Variants in SORCS2 observed in about 807,000 individuals in gnomAD.
SORCS2 encodes sortilin related VPS10 domain containing receptor 2, also known as VPS10 domain-containing receptor SorCS2.
In SORCS2, 100 loss-of-function variants were observed where a neutral mutation model predicts 141.6. The observed-to-expected ratio is 0.71, with a 90% CI of 0.60 to 0.83. The LOEUF (loss-of-function observed/expected upper bound fraction) is 0.83, where lower values mean the gene tolerates loss of function less well. Ranked by LOEUF, SORCS2 falls within the 40% of genes least tolerant of loss-of-function variation. The pLI, the probability that SORCS2 is intolerant of heterozygous loss-of-function variation, is 0.00. For synonymous variants in SORCS2, 789 were observed against 676.9 expected (o/e 1.17, Z -2.57); for missense variants, 1,646 against 1,560.2 (o/e 1.05, Z -0.93).
At chr4:7,677,657 G>A (rs188264346) in intron 9 of SORCS2, among the ~76,000 whole-genome samples, 62 of 151,946 alleles carry the variant, frequency 4.1e-4, no homozygotes, top group African/African-American at 1.5e-3. Flanking sequence ...TGAGTGGGAG[G>A]CAGCAGGCTC....
At chr4:7,550,199 A>T (rs1297789361) in intron 3 of SORCS2, among the ~76,000 whole-genome samples, 1 of 150,810 alleles carries the variant, frequency 6.6e-6, no homozygotes, top group Non-Finnish European at 1.5e-5. Flanking sequence ...TTGATGGTCA[A>T]CTGCAGTTGC....
intron 17 of SORCS2, 125 bp from the exon 18 acceptor site, chr4:7,717,887 T>C: frequency 1.0e-6 from 1 of 988,562 alleles, no homozygotes. Flanking sequence ...AGTTAGCAAG[T>C]AGAGTCCTAG....
chr4:7,392,950 C>G (rs1723962022), intron 1 of SORCS2, among the ~76,000 whole-genome samples: 1 of 151,254 alleles, frequency 6.6e-6, no homozygotes. Context: ...TTGTCACAGG[C>G]TGAGCTGGCA....
Position 7,199,897 on chromosome 4 carries a change from G to C in SORCS2, c.480+6771G>C, listed in dbSNP as rs142934005. Among the ~76,000 whole-genome samples the C allele has an allele frequency of 2.6e-3, 395 of 152,160 alleles. 8 individuals are homozygous for C. The highest frequency in any genetic ancestry group is 0.013 in the South Asian group (63 of 4,788). ...CAGTTCACCTGACCTAAGGTGCCCT[G>C]CCTTGCTGGGTCCTTGCCTGAGGGA... On this transcript the variant is annotated intron_variant, in intron 1 of 26. Transcript: ENST00000507866.
In SORCS2 at chr4:7,689,116, T is replaced by C. The variant is rs570872166; in HGVS notation, c.1489-370T>C. Among the ~76,000 whole-genome samples, 30 of 152,210 alleles carry C rather than the reference T, an allele frequency of 2.0e-4. No homozygotes were observed. The South Asian group carries it at 5.0e-3, about 25-fold the overall frequency. The stretch of plus-strand genomic sequence containing the variant: ...ACCCGGCACTTGGGCTCTTGACCGA[T>C]GCCCAAGAGCCCTCAGTGGGAGAAG... On this transcript the variant is annotated intron_variant, in intron 10 of 26. Coordinates refer to ENST00000507866, the MANE Select transcript of SORCS2 (RefSeq NM_020777.3).
intron 8 of SORCS2, among the ~76,000 whole-genome samples, chr4:7,669,494 G>C (rs1377029589): frequency 1.3e-5 from 2 of 152,134 alleles, no homozygotes; most frequent in Admixed American, 6.5e-5. Context: ...TCTCCACCCA[G>C]GTCAGGACAG....
chr4:7,645,843 G>C (rs546575926), intron 4 of SORCS2, among the ~76,000 whole-genome samples: 1 of 152,324 alleles, frequency 6.6e-6, no homozygotes, highest in Non-Finnish European at 1.5e-5. Context: ...ACAGCCCATG[G>C]CTTGCTGACA....
In SORCS2 at chr4:7,192,921, G is replaced by A; in HGVS notation, c.275G>A (p.Gly92Asp). ...CGGCAGGCGCGCGGCACGGAGCCAG[G>A]CGCCCCGGGTCCGAGTCCCGGTCCC... ...EDRQARGTEP[G>D]APGPSPGPAP... The change falls in exon 1 of 27, where the codon GGC becomes GAC. Residue 92 changes from glycine (G) to aspartate (D), a missense_variant. By Grantham distance (94) the Gly-to-Asp change is moderately conservative. Coordinates refer to ENST00000507866, the MANE Select transcript of SORCS2 (RefSeq NM_020777.3). The surrounding 1 kb of genome is among the most constrained non-coding windows in gnomAD (Gnocchi z 4.0). 8.2e-7 allele frequency: 1 copy of A among 1,223,438 alleles called. No homozygotes were observed. The highest frequency in any genetic ancestry group is 1.0e-6 in the Non-Finnish European group (1 of 984,018). The allele number at this position is 1,223,438 out of a possible 1,614,324, so 75.8% of individuals were successfully genotyped here. A position where few individuals can be genotyped will look rare whatever the true frequency, so the allele number is the denominator to read the frequency against.
rs1726927143 is a variant in SORCS2, at chr4:7,192,861, C to T, written c.215C>T (p.Pro72Leu). The change falls in exon 1 of 27, where the codon CCC (proline) becomes CTC (leucine). Residue 72 changes from proline to leucine, a missense_variant. Physicochemically the swap from Pro to Leu is moderately conservative, Grantham distance 98 (BLOSUM62 -3). Coordinates refer to ENST00000507866, the MANE Select transcript of SORCS2 (RefSeq NM_020777.3). The surrounding 1 kb of genome is among the most constrained non-coding windows in gnomAD (Gnocchi z 4.0). ...CTGACCCGGGTGCCGCGGAGCCCTC[C>T]CGCGGGGCGCGCGGAGCCCGGTGGC... is the stretch of plus-strand genomic sequence containing the variant. ...AQLTRVPRSP[P>L]AGRAEPGGGE... The T allele has an allele frequency of 3.8e-6, 4 of 1,062,894 alleles. 1 individual carries two copies. The highest frequency in any genetic ancestry group is 4.5e-6 in the Non-Finnish European group (4 of 882,160). The allele number at this position is 1,062,894 out of a possible 1,614,324, so 65.8% of individuals were successfully genotyped here.
At position 7,201,443 on chromosome 4, in the gene SORCS2, C is replaced by T. The variant is rs188770148; in HGVS notation, c.480+8317C>T. On this transcript the variant is annotated intron_variant, in intron 1 of 26. Transcript: ENST00000507866. This position sits in a 1 kb window ranked among gnomAD's most constrained non-coding sequence, Gnocchi z 4.4. Reference sequence around the variant, plus strand: ...GAGGTCATAAATTAGCCTCATTCCTCGGCACGCCCCTCAGATGAGAAGGCA... The same window carrying T: ...GAGGTCATAAATTAGCCTCATTCCTTGGCACGCCCCTCAGATGAGAAGGCA... 5.2e-4 allele frequency among the ~76,000 whole-genome samples: 79 copies of T among 152,346 alleles called. No individual in the cohort carries two copies. The Middle Eastern group carries it at 0.01, about 20-fold the overall frequency.
At chr4:7,272,499 G>T (rs540781704) in intron 1 of SORCS2, among the ~76,000 whole-genome samples, 1 of 152,234 alleles carries the variant, frequency 6.6e-6, no homozygotes, top group Non-Finnish European at 1.5e-5. Flanking sequence ...GTTTCTTTTT[G>T]TAAATGCATC....
In SORCS2 at chr4:7,553,585, T is replaced by C. The variant is rs552621042; in HGVS notation, c.648+21956T>C. Among the ~76,000 whole-genome samples the C allele has an allele frequency of 3.9e-5, 6 of 152,300 alleles. No individual in the cohort carries two copies. In the East Asian group the frequency reaches 1.2e-3, roughly 29 times the overall value. ...TTCAAATGAGACTGCCTGGAAAACA[T>C]CTCTTGCCAACAGAGAGATGAGTGA... On this transcript the variant is annotated intron_variant, in intron 3 of 26. Transcript: ENST00000507866.
At chr4:7,598,962 C>T (rs567061795) in intron 3 of SORCS2, among the ~76,000 whole-genome samples, 2 of 152,354 alleles carry the variant, frequency 1.3e-5, no homozygotes, top group African/African-American at 4.8e-5. Flanking sequence ...TTTTCCATTG[C>T]ACGGTGCCGA....
At chr4:7,624,273 G>C (rs1042339106) in intron 3 of SORCS2, among the ~76,000 whole-genome samples, 1 of 152,076 alleles carries the variant, frequency 6.6e-6, no homozygotes, top group African/African-American at 2.4e-5. Flanking sequence ...TTACATTCAC[G>C]GGCCTTTCTT....
chr4:7,519,460 C>T lies in SORCS2; in HGVS notation c.549-12070C>T, dbSNP rs957513947. ...TGACCCCAGACAAGTGAGTTCACGT[C>T]GTGAGTCTCAGTCTCCCTGTCTGCA... On this transcript the variant is annotated intron_variant, in intron 2 of 26. Transcript: ENST00000507866. Among the ~76,000 whole-genome samples the T allele has an allele frequency of 7.2e-5, 11 of 152,210 alleles. No homozygotes were observed. The East Asian group carries it at 1.7e-3, about 24-fold the overall frequency.
At position 7,733,354 on chromosome 4, in the gene SORCS2, A is replaced by C. The variant is rs1711862016; in HGVS notation, c.3141A>C (p.Ala1047=). 2.5e-6 allele frequency: 4 copies of C among 1,575,144 alleles called. No individual in the cohort carries two copies. The highest frequency in any genetic ancestry group is 1.2e-5 in the South Asian group (1 of 85,324). The part of the protein sequence containing the change: ...RLAAIQQVLN[A]QKISFLLRGG... ...CCGCCATCCAGCAGGTGCTGAACGC[A>C]CAGAAGATCAGCTTCCTCCTGCGAG... The change falls in exon 24 of 27, where the codon GCA becomes GCC. Residue 1047 remains alanine (A), a synonymous_variant. Transcript: ENST00000507866.
chr4:7,586,432 G>A (rs143725100), intron 3 of SORCS2, among the ~76,000 whole-genome samples: 46 of 152,290 alleles, frequency 3.0e-4, no homozygotes, highest in Middle Eastern at 6.8e-3. Context: ...CCATCACCCA[G>A]GTATTAAGCC....
At chr4:7,230,999 T>TATATCC (rs138295412) in intron 1 of SORCS2, among the ~76,000 whole-genome samples, 58,910 of 151,362 alleles carry the variant, frequency 0.39, 11,703 homozygotes, top group Non-Finnish European at 0.44. Context: ...TATCTGTATC[T>TATATCC]ATATCCATAT....
intron 1 of SORCS2, among the ~76,000 whole-genome samples, chr4:7,264,766 C>T (rs902667953): frequency 2.6e-5 from 4 of 152,200 alleles, no homozygotes; most frequent in African/African-American, 7.2e-5. Context: ...GTCCTGACCC[C>T]CACTCCCTTC....
Sources: allele counts gnomAD v4.1 joint callset (sites outside exome capture counted in the v4.1 genomes callset), GRCh38; gene constraint gnomAD v4.1.1; non-coding constraint Gnocchi (gnomAD v3.1); transcripts MANE v1.5; gene names NCBI Gene and HGNC (gene_info 2026-07-23, HGNC 2026-07-21).